Variants in TBC1D8 observed in about 807,000 individuals in gnomAD.
The protein encoded by TBC1D8 is TBC1 domain family member 8.
TBC1D8 carries 65 observed loss-of-function variants against 118.8 expected under a neutral mutation model. The observed-to-expected ratio is 0.55, with a 90% CI of 0.45 to 0.67. The LOEUF is 0.67. Among genes scored for constraint, TBC1D8 ranks in the 30% least tolerant of loss-of-function variants. The pLI, the probability that TBC1D8 is intolerant of heterozygous loss-of-function variation, is 0.00. For synonymous variants in TBC1D8, 566 were observed against 595.8 expected (o/e 0.95, Z 0.73); for missense variants, 1,376 against 1,471.2 (o/e 0.94, Z 1.06).
chr2:101,018,245 T>C (rs55871971), intron 17 of TBC1D8: 24,856 of 229,094 alleles, frequency 0.11, 1,564 homozygotes, highest in Non-Finnish European at 0.14. Flanking sequence ...GACCTCCTTT[T>C]TTCCGAAGTT....
At chr2:101,017,291 G>A (rs1459464220) in intron 17 of TBC1D8, among the ~76,000 whole-genome samples, 1 of 151,900 alleles carries the variant, frequency 6.6e-6, no homozygotes, top group Non-Finnish European at 1.5e-5. Flanking sequence ...ATAAGTAGAA[G>A]GAATGCATGC....
chr2:101,049,645 T>C (rs1341426256), intron 5 of TBC1D8, among the ~76,000 whole-genome samples: 1 of 151,600 alleles, frequency 6.6e-6, no homozygotes, highest in East Asian at 2.0e-4. Flanking sequence ...GGAGAATCGT[T>C]TGAACCTGAG....
Position 101,040,257 on chromosome 2 carries a change from C to T in TBC1D8, c.1001G>A (p.Arg334Gln), listed in dbSNP as rs373113146. 5.6e-5 allele frequency: 90 copies of T among 1,613,868 alleles called. No individual in the cohort carries two copies. The highest frequency in any genetic ancestry group is 7.1e-5 in the Non-Finnish European group (84 of 1,179,900). The change falls in exon 6 of 20, where the codon CGG (arginine) becomes CAG (glutamine). Residue 334 changes from arginine to glutamine, a missense_variant. Arg to Gln is a conservative substitution (Grantham distance 43). Coordinates refer to ENST00000409318, the MANE Select transcript of TBC1D8 (RefSeq NM_001330348.2). ...TPFSRCHTTG[R>Q]MFASDSYICF... ...GATGTAGCTGTCAGAGGCGAACATC[C>T]GCCCCGTGGTGTGACAGCGACTGAA...
Position 101,021,746 on chromosome 2 carries a change from T to C in TBC1D8, c.2762A>G (p.Asp921Gly), listed in dbSNP as rs1205948288. The C allele has an allele frequency of 1.3e-6, 2 of 1,562,206 alleles. No homozygotes were observed. The highest frequency in any genetic ancestry group is 1.2e-5 in the South Asian group (1 of 86,034). Residue 921 changes from aspartate (D) to glycine (G), a missense_variant and splice_region_variant, in exon 17 of 20, where the codon GAT becomes GGT. Transcript: ENST00000409318. ...IEFKAFVSCL[D>G]IMYNGEMNEK... ...ATTCATTTCTCCATTATACATAATA[T>C]CTGCAAAAAGTTTAAAAAGAGTGAG...
intron 2 of TBC1D8, among the ~76,000 whole-genome samples, chr2:101,083,548 C>A (rs1298672303): frequency 6.6e-6 from 1 of 152,180 alleles, no homozygotes; most frequent in African/African-American, 2.4e-5. Flanking sequence ...TCCTTCCAAA[C>A]ACAGTCAGCC....
intron 2 of TBC1D8, among the ~76,000 whole-genome samples, chr2:101,060,542 T>A (rs559204110): frequency 6.6e-6 from 1 of 152,356 alleles, no homozygotes; most frequent in Non-Finnish European, 1.5e-5. Context: ...TTTTTTTAAA[T>A]CACCACATTA....
intron 17 of TBC1D8, among the ~76,000 whole-genome samples, chr2:101,017,325 T>C (rs148739888): frequency 6.5e-4 from 99 of 152,332 alleles, no homozygotes; most frequent in African/African-American, 2.0e-3. Context: ...AATAGTATAG[T>C]AATTACATAA....
At chr2:101,058,987 G>A (rs1161755662) in intron 3 of TBC1D8, among the ~76,000 whole-genome samples, 1 of 151,710 alleles carries the variant, frequency 6.6e-6, no homozygotes, top group African/African-American at 2.4e-5. Context: ...CTCACTGCAA[G>A]CACCACCTCC....
intron 1 of TBC1D8, among the ~76,000 whole-genome samples, chr2:101,104,573 T>G (rs945792972): frequency 6.6e-6 from 1 of 152,202 alleles, no homozygotes; most frequent in Non-Finnish European, 1.5e-5. Flanking sequence ...GGTAGTTCAG[T>G]GGAGAAGGAC....
intron 5 of TBC1D8, 31 bp downstream of exon 5, chr2:101,050,370 G>T (rs1328286033): frequency 4.4e-6 from 7 of 1,600,842 alleles, no homozygotes; most frequent in Non-Finnish European, 5.1e-6. Context: ...CCCCGTGCGG[G>T]TGGGAGACAC....
chr2:101,027,937 A>AAT (rs1263707873), intron 14 of TBC1D8, 111 bp downstream of exon 14: 28 of 946,682 alleles, frequency 3.0e-5, no homozygotes, highest in African/African-American at 5.0e-5. Flanking sequence ...TGTAATCCAA[A>AAT]ATATATATAT....
chr2:101,011,414 T>C (rs760528453), intron 18 of TBC1D8, 37 bp downstream of exon 18: 4 of 1,591,092 alleles, frequency 2.5e-6, no homozygotes, highest in Non-Finnish European at 3.5e-6. Context: ...ACTGCAGTGG[T>C]ATGCAGGGGA....
chr2:101,151,007 G>A (rs906773782), intron 1 of TBC1D8, 120 bp downstream of exon 1: 6 of 722,614 alleles, frequency 8.3e-6, no homozygotes, highest in Admixed American at 1.3e-4. Context: ...AGGGCCGTCC[G>A]GGCCCCGCGT....
intron 3 of TBC1D8, among the ~76,000 whole-genome samples, chr2:101,057,606 G>T (rs1682512474): frequency 6.6e-6 from 1 of 152,176 alleles, no homozygotes; most frequent in South Asian, 2.1e-4. Context: ...CAGGAGGATT[G>T]CTTGAGCCCA....
intron 18 of TBC1D8, 157 bp downstream of exon 18, chr2:101,011,294 A>G (rs1679189977): frequency 2.5e-6 from 2 of 786,048 alleles, no homozygotes; most frequent in African/African-American, 1.7e-5. Context: ...CCCCACTAGG[A>G]GCACTTCTGT....
intron 17 of TBC1D8, among the ~76,000 whole-genome samples, chr2:101,017,665 A>G (rs1679755482): frequency 6.6e-6 from 1 of 152,210 alleles, no homozygotes. Context: ...GTGTATTTCC[A>G]ATTGTACTAC....
In TBC1D8 at chr2:101,054,253, G is replaced by A. The variant is rs1217000966; in HGVS notation, c.486C>T (p.Phe162=). The A allele has an allele frequency of 5.6e-6, 9 of 1,603,404 alleles. No individual in the cohort carries two copies. In the Admixed American group the frequency reaches 6.9e-5, roughly 12 times the overall value. Residue 162 remains phenylalanine, a synonymous_variant, in exon 4 of 20, where the codon TTC becomes TTT. Transcript: ENST00000409318. The part of the protein sequence containing the change: ...PEKFREALVK[F]EARFNFPEAE... ...CCTCGGGGAAGTTGAACCTGGCCTC[G>A]AACTTCACCAGGGCTTCTCGGAATT...
chr2:101,145,000 C>A (rs1368540642), intron 1 of TBC1D8, among the ~76,000 whole-genome samples: 2 of 152,288 alleles, frequency 1.3e-5, no homozygotes, highest in African/African-American at 4.8e-5. Context: ...AATGTGGAGT[C>A]AAGATCATAA....
chr2:101,014,190 C>T (rs1182930054), intron 17 of TBC1D8, among the ~76,000 whole-genome samples: 1 of 151,604 alleles, frequency 6.6e-6, no homozygotes, highest in South Asian at 2.1e-4. Context: ...CTTTTAATTT[C>T]GCAAAAGTTT....
Sources: gnomAD v4.1 joint callset for allele counts (sites outside exome capture counted in the v4.1 genomes callset) on GRCh38, gnomAD v4.1.1 for gene constraint, MANE v1.5 for transcripts, NCBI Gene and HGNC (gene_info 2026-07-23, HGNC 2026-07-21) for gene names.